Variants in ERG observed in about 807,000 individuals in gnomAD.
The protein encoded by ERG is transcriptional regulator ERG.
In ERG, 9 loss-of-function variants were observed where a neutral mutation model predicts 55.3. That is an observed-to-expected ratio of 0.16 (90% CI 0.10 to 0.28). The LOEUF (loss-of-function observed/expected upper bound fraction) is 0.28. Among genes scored for constraint, ERG ranks in the 10% least tolerant of loss-of-function variants. The pLI is 1.00. For missense variants in ERG, 434 were observed against 631.6 expected (o/e 0.69, Z 3.35); for synonymous variants, 223 against 237.3 (o/e 0.94, Z 0.55).
intron 1 of ERG, among the ~76,000 whole-genome samples, chr21:38,643,447 ACTC>A (rs2060437512): frequency 6.6e-6 from 1 of 151,648 alleles, no homozygotes. Flanking sequence ...TAAGGTCACA[ACTC>A]CTCCTTCTCC....
At chr21:38,582,289 T>C (rs889063934) in intron 1 of ERG, among the ~76,000 whole-genome samples, 2 of 152,184 alleles carry the variant, frequency 1.3e-5, no homozygotes, top group African/African-American at 4.8e-5. Flanking sequence ...TACTTGTAAC[T>C]GGCATCTGAA....
chr21:38,537,316 T>A (rs1037280405), intron 2 of ERG, among the ~76,000 whole-genome samples: 4 of 152,058 alleles, frequency 2.6e-5, no homozygotes, highest in African/African-American at 7.2e-5. Context: ...CAAATTTGCC[T>A]GCACTAAAAT....
chr21:38,385,033 C>T (rs1186501304), intron 9 of ERG, among the ~76,000 whole-genome samples: 1 of 152,136 alleles, frequency 6.6e-6, no homozygotes, highest in Non-Finnish European at 1.5e-5. Context: ...CTTCCTTTGT[C>T]AAAGAGATCA....
chr21:38,497,777 A>T (rs2059391511), intron 1 of ERG, among the ~76,000 whole-genome samples: 1 of 152,184 alleles, frequency 6.6e-6, no homozygotes, highest in East Asian at 1.9e-4. Flanking sequence ...GAAGATAAAC[A>T]TATAGTGGAA....
intron 1 of ERG, among the ~76,000 whole-genome samples, chr21:38,639,650 A>G (rs1484892250): frequency 1.3e-5 from 2 of 152,246 alleles, no homozygotes; most frequent in Non-Finnish European, 2.9e-5. Context: ...GGACACTGAG[A>G]TGAAAGAGAA....
chr21:38,551,586 T>A (rs1228379387), intron 2 of ERG, among the ~76,000 whole-genome samples: 2 of 152,258 alleles, frequency 1.3e-5, no homozygotes, highest in African/African-American at 4.8e-5. Flanking sequence ...TATTGATTTC[T>A]GTCTTAGTTT....
chr21:38,629,003 A>G (rs1451161995), intron 1 of ERG, among the ~76,000 whole-genome samples: 1 of 152,248 alleles, frequency 6.6e-6, no homozygotes, highest in Admixed American at 6.5e-5. Context: ...TAGTACTGTT[A>G]AAGCCAAGAG....
intron 1 of ERG, among the ~76,000 whole-genome samples, chr21:38,656,218 C>T (rs1568976528): frequency 6.6e-6 from 1 of 152,136 alleles, no homozygotes; most frequent in Admixed American, 6.5e-5. Flanking sequence ...TGACAGGACC[C>T]ATGAAAGGAC....
At chr21:38,377,648 T>C (rs1433639481), downstream of ERG, among the ~76,000 whole-genome samples, 2 of 152,254 alleles carry the variant, frequency 1.3e-5, no homozygotes, top group Admixed American at 1.3e-4. Flanking sequence ...TCGTGACTTC[T>C]ACACCAAATT....
exon 2 of ERG, chr21:38,575,685 G>C: frequency 1.9e-6 from 3 of 1,613,962 alleles, no homozygotes; most frequent in African/African-American, 1.3e-5. Context: ...GCTGGGTCCG[G>C]GACAGTCTGA....
chr21:38,368,299 T>C, the ERG span, among the ~76,000 whole-genome samples: 5 of 152,220 alleles, frequency 3.3e-5, no homozygotes, highest in African/African-American at 4.8e-5. Flanking sequence ...TAATATATTA[T>C]CTTTCTCTGC....
At chr21:38,542,691 C>T (rs762508765) in intron 2 of ERG, among the ~76,000 whole-genome samples, 1 of 152,052 alleles carries the variant, frequency 6.6e-6, no homozygotes, top group Non-Finnish European at 1.5e-5. Context: ...CACTCTCTTC[C>T]GTGATAATAC....
At chr21:38,399,564 A>G (rs1220428669) in intron 6 of ERG, among the ~76,000 whole-genome samples, 1 of 152,244 alleles carries the variant, frequency 6.6e-6, no homozygotes. Context: ...TACCTAGCTT[A>G]TCGGGCTGAT....
At position 38,414,535 on chromosome 21, in the gene ERG, T is replaced by C. The variant is rs149817712; in HGVS notation, c.388+8875A>G. On this transcript the variant is annotated intron_variant, in intron 3 of 9. Transcript: ENST00000288319. ...GAACTGCACTTTTTATCCCAGGTAC[T>C]GTTTAAGCATGTCACACATATTGCT... Among the ~76,000 whole-genome samples, 453 of 152,358 alleles carry C rather than the reference T, an allele frequency of 3.0e-3. 15 individuals are homozygous for C. The highest frequency in any genetic ancestry group is 0.028 in the Admixed American group (436 of 15,310).
chr21:38,471,633 C>T (rs971979033), intron 1 of ERG: 2 of 151,938 alleles, frequency 1.3e-5, no homozygotes, highest in African/African-American at 4.8e-5. Context: ...ACTCAATGAC[C>T]AAACTATAAT....
chr21:38,407,052 C>A (rs1988806374), intron 3 of ERG, among the ~76,000 whole-genome samples: 1 of 152,156 alleles, frequency 6.6e-6, no homozygotes, highest in South Asian at 2.1e-4. Flanking sequence ...TTCTGATGAA[C>A]AACACAATAA....
intron 8 of ERG, 79 bp downstream of exon 8, chr21:38,391,580 A>G: frequency 8.3e-7 from 1 of 1,202,350 alleles, no homozygotes; most frequent in Non-Finnish European, 1.2e-6. Flanking sequence ...AATTTCCATT[A>G]AAAAGTGAAG....
At chr21:38,559,832 C>T (rs1007470119) in intron 2 of ERG, among the ~76,000 whole-genome samples, 3 of 152,136 alleles carry the variant, frequency 2.0e-5, no homozygotes, top group African/African-American at 7.2e-5. Context: ...AGGCATGCGC[C>T]ACCACGCCCA....
chr21:38,462,831 C>T (rs2059055902), intron 1 of ERG, among the ~76,000 whole-genome samples: 1 of 152,192 alleles, frequency 6.6e-6, no homozygotes, highest in African/African-American at 2.4e-5. Context: ...ACACAGCACA[C>T]ATCTGCTTCT....
Sources: gnomAD v4.1 joint callset for allele counts (sites outside exome capture counted in the v4.1 genomes callset) on GRCh38, gnomAD v4.1.1 for gene constraint, MANE v1.5 for transcripts, NCBI Gene and HGNC (gene_info 2026-07-23, HGNC 2026-07-21) for gene names.